FSIP2: variants seen among roughly 807,000 people sequenced by gnomAD.
FSIP2 encodes the protein fibrous sheath interacting protein 2.
In FSIP2, 367 loss-of-function variants were observed where a neutral mutation model predicts 510.5. The observed-to-expected ratio is 0.72, with a 90% CI of 0.66 to 0.78. The LOEUF (loss-of-function observed/expected upper bound fraction) is 0.78, where lower values mean the gene tolerates loss of function less well. Among genes scored for constraint, FSIP2 ranks in the 30% least tolerant of loss-of-function variants. The probability of loss-of-function intolerance (pLI) is 0.00; values close to 1 mark genes in which losing one functional copy is unlikely to be tolerated. For synonymous variants in FSIP2, 2,601 were observed against 2,732.2 expected, an observed-to-expected ratio of 0.95 and a Z score of 1.50; for missense variants, 7,594 against 7,901.7, an observed-to-expected ratio of 0.96 and a Z score of 1.48.
Position 185,806,056 on chromosome 2 carries a change from A to C in FSIP2, c.16750A>C (p.Thr5584Pro). 1 of 1,550,654 alleles carries C rather than the reference A, an allele frequency of 6.4e-7. No individual in the cohort carries two copies. The highest frequency in any genetic ancestry group is 8.8e-7 in the Non-Finnish European group (1 of 1,141,646). ...DKKGKDDEIY[T>P]HFSLIIDDTE... Reference sequence around the variant, plus strand: ...AAAAGGGAAAGATGATGAGATATACACACATTTTTCATTAATAATTGATGA... The same window carrying C: ...AAAAGGGAAAGATGATGAGATATACCCACATTTTTCATTAATAATTGATGA... Residue 5584 changes from threonine (T) to proline (P), a missense_variant, in exon 17 of 23, where the codon ACA becomes CCA. Transcript: ENST00000424728.
Position 185,789,368 on chromosome 2 carries a change from C to T in FSIP2, c.2232C>T (p.Ile744=). ...FVEQCEREKE[I]LLSNAHIPSV... ...AACAATGTGAACGTGAAAAAGAAAT[C>T]TTGCTTTCCAATGCTCATATTCCCT... Residue 744 remains isoleucine (I), a synonymous_variant, in exon 16 of 23, where the codon ATC becomes ATT. Transcript: ENST00000424728. 1 of 1,534,980 alleles carries T rather than the reference C, an allele frequency of 6.5e-7. No individual in the cohort carries two copies. Among genetic ancestry groups the T allele is most frequent in the Non-Finnish European group, 8.7e-7 (1 of 1,145,944 alleles).
chr2:185,788,572 C>A (rs1211394185), intron 15 of FSIP2, 71 bp from the exon 16 acceptor site: 4 of 1,051,948 alleles, frequency 3.8e-6, no homozygotes, highest in African/African-American at 3.2e-5. Context: ...TTAAATGTTA[C>A]CTTCTGTCTC....
chr2:185,747,903 CAAT>C (rs900094457), intron 7 of FSIP2, among the ~76,000 whole-genome samples: 7 of 152,004 alleles, frequency 4.6e-5, no homozygotes, highest in Middle Eastern at 3.4e-3. Context: ...ACAATGTTTC[CAAT>C]AATATTTATT....
chr2:185,775,831 T>A (rs577017741), intron 13 of FSIP2, among the ~76,000 whole-genome samples: 1 of 152,200 alleles, frequency 6.6e-6, no homozygotes, highest in East Asian at 1.9e-4. Context: ...ACTCAGCTAA[T>A]TTTTGTATTT....
In FSIP2 at chr2:185,803,925, T is replaced by C. The variant is rs547487810; in HGVS notation, c.14619T>C (p.His4873=). ...ATTCCATTTATGCTGATCTTTCTCA[T>C]TCAAATATATACCAGTCCATTACAA... ...MVDSIYADLS[H]SNIYQSITKD... Residue 4873 remains histidine, a synonymous_variant, in exon 17 of 23, where the codon CAT becomes CAC. Transcript: ENST00000424728. The C allele has an allele frequency of 1.3e-5, 20 of 1,522,302 alleles. No homozygotes were observed. Among genetic ancestry groups the C allele is most frequent in the East Asian group, 4.9e-5 (2 of 40,702 alleles). The allele number at this position is 1,522,302 out of a possible 1,614,324, so 94.3% of individuals were successfully genotyped here.
chr2:185,822,548 A>T lies in FSIP2; in HGVS notation c.20427-1886A>T, dbSNP rs559677287. 5.9e-5 allele frequency among the ~76,000 whole-genome samples: 9 copies of T among 152,068 alleles called. No individual in the cohort carries two copies. The South Asian group carries it at 1.9e-3, about 32-fold the overall frequency. On this transcript the variant is annotated intron_variant, in intron 19 of 22. Transcript: ENST00000424728. ...TTTGTCAGCTACAAAATATTGCTGTAAGAAATTAAAGAGAATGCAAAAAAG... is the reference window on the plus strand; with the variant it reads ...TTTGTCAGCTACAAAATATTGCTGTTAGAAATTAAAGAGAATGCAAAAAAG...
rs1196411501 is a variant in FSIP2 at position 185,806,780 on chromosome 2, A to G, written c.17474A>G (p.Tyr5825Cys). 4 of 1,611,844 alleles carry G rather than the reference A, an allele frequency of 2.5e-6. No individual in the cohort carries two copies. In the African/African-American group the frequency reaches 5.3e-5, roughly 22 times the overall value. Reference sequence around the variant, plus strand: ...GATAAGCAAAATCAAGCCAAACTCTATGACACTGCTATGAAACTCATCAAT... The same window carrying G: ...GATAAGCAAAATCAAGCCAAACTCTGTGACACTGCTATGAAACTCATCAAT... ...VSDKQNQAKL[Y>C]DTAMKLINSL... The change falls in exon 17 of 23, where the codon TAT (tyrosine) becomes TGT (cysteine). Residue 5825 changes from tyrosine to cysteine, a missense_variant. Transcript: ENST00000424728.
rs372177384 is a variant in FSIP2, at chr2:185,738,820, G to A, written c.-75G>A. Reference sequence around the variant, plus strand: ...GCTCTGGCCATTCCTGGTCAGGTCCGGACAGAGGGACAACGGGGTGCTAGA... The same window carrying A: ...GCTCTGGCCATTCCTGGTCAGGTCCAGACAGAGGGACAACGGGGTGCTAGA... On this transcript the variant is annotated 5_prime_UTR_variant, in exon 1 of 23. Transcript: ENST00000424728. The A allele has an allele frequency of 2.0e-6, 3 of 1,535,990 alleles. No individual in the cohort carries two copies. The highest frequency in any genetic ancestry group is 2.4e-5 in the East Asian group (1 of 40,896).
Position 185,800,825 on chromosome 2 carries a change from T to G in FSIP2, c.11519T>G (p.Leu3840Arg), listed in dbSNP as rs1693415494. ...DQDLLTSDSM[L>R]TIISHSLVKS... ...GACTTATTGACATCAGACTCTATGCTTACTATTATTTCCCACAGCTTGGTT... is the reference window on the plus strand; with the variant it reads ...GACTTATTGACATCAGACTCTATGCGTACTATTATTTCCCACAGCTTGGTT... Residue 3840 changes from leucine to arginine, a missense_variant, in exon 17 of 23, where the codon CTT becomes CGT. Transcript: ENST00000424728. 6.5e-7 allele frequency: 1 copy of G among 1,534,306 alleles called. No homozygotes were observed. The highest frequency in any genetic ancestry group is 1.4e-5 in the African/African-American group (1 of 72,886).
intron 13 of FSIP2, among the ~76,000 whole-genome samples, chr2:185,775,424 G>T (rs1446244129): frequency 1.3e-5 from 2 of 151,034 alleles, no homozygotes; most frequent in African/African-American, 4.9e-5. Context: ...CTTTTTGATG[G>T]GGTTGTTTTT....
intron 13 of FSIP2, among the ~76,000 whole-genome samples, chr2:185,778,082 T>A (rs970693008): frequency 9.2e-5 from 14 of 152,166 alleles, no homozygotes; most frequent in East Asian, 5.8e-4. Context: ...CTGCTTTTTT[T>A]ATAAATGTAT....
chr2:185,803,504 T>C lies in FSIP2; in HGVS notation c.14198T>C (p.Ile4733Thr). Reference protein sequence around the residue: ...TKTLAARITNIILAEIFDFQI... With the variant: ...TKTLAARITNTILAEIFDFQI... Reference sequence around the variant, plus strand: ...ACATTGGCTGCAAGAATAACTAATATCATCCTGGCTGAAATTTTTGATTTC... The same window carrying C: ...ACATTGGCTGCAAGAATAACTAATACCATCCTGGCTGAAATTTTTGATTTC... Residue 4733 changes from isoleucine to threonine, a missense_variant, in exon 17 of 23, where the codon ATC becomes ACC. By Grantham distance (89) the Ile-to-Thr change is moderately conservative (BLOSUM62 -1). Transcript: ENST00000424728. 6.5e-7 allele frequency: 1 copy of C among 1,532,116 alleles called. No homozygotes were observed. The highest frequency in any genetic ancestry group is 8.7e-7 in the Non-Finnish European group (1 of 1,144,650). 94.9% of individuals were successfully genotyped at this position (1,532,116 alleles called of 1,614,324 possible).
Position 185,794,308 on chromosome 2 carries a change from A to C in FSIP2, c.7172A>C (p.Glu2391Ala). The C allele has an allele frequency of 6.6e-7, 1 of 1,523,948 alleles. No homozygotes were observed. Among genetic ancestry groups the C allele is most frequent in the Non-Finnish European group, 8.8e-7 (1 of 1,140,598 alleles). 94.4% of individuals were successfully genotyped at this position (1,523,948 alleles called of 1,614,324 possible). ...TTCCAAGAAAACATCATTGTGAGTG[A>C]AATTGTTGACAGTATGTTAAAGATG... ...ILFQENIIVS[E>A]IVDSMLKMLD... The change falls in exon 16 of 23, where the codon GAA becomes GCA. Residue 2391 changes from glutamate to alanine, a missense_variant. Glu to Ala is a moderately radical substitution (Grantham distance 107, BLOSUM62 -1). Coordinates refer to ENST00000424728, the MANE Select transcript of FSIP2 (RefSeq NM_173651.4).
At chr2:185,828,133 T>C in intron 20 of FSIP2, 23 bp from the exon 21 acceptor site, 2 of 375,084 alleles carry the variant, frequency 5.3e-6, no homozygotes, top group Non-Finnish European at 8.3e-6. Context: ...ACTATTTTAC[T>C]TTTTTTTTTT....
At chr2:185,820,041 G>A (rs548640240) in intron 19 of FSIP2, among the ~76,000 whole-genome samples, 1 of 151,780 alleles carries the variant, frequency 6.6e-6, no homozygotes, top group African/African-American at 2.4e-5. Flanking sequence ...AAACAAAATT[G>A]GGAAATAGAG....
Position 185,796,507 on chromosome 2 carries a change from C to T in FSIP2, c.9371C>T (p.Thr3124Ile). 3 of 1,534,886 alleles carry T rather than the reference C, an allele frequency of 2.0e-6. No individual in the cohort carries two copies. The highest frequency in any genetic ancestry group is 2.6e-6 in the Non-Finnish European group (3 of 1,146,090). Residue 3124 changes from threonine to isoleucine, a missense_variant, in exon 16 of 23, where the codon ACA (threonine) becomes ATA (isoleucine). Coordinates refer to ENST00000424728, the MANE Select transcript of FSIP2 (RefSeq NM_173651.4). ...ENIVASEIIG[T>I]LMDQCTYFNE... ...ATTGTAGCAAGTGAGATCATTGGCA[C>T]ACTAATGGACCAGTGTACTTATTTC...
intron 7 of FSIP2, among the ~76,000 whole-genome samples, chr2:185,749,866 C>T (rs1034237492): frequency 1.3e-5 from 2 of 151,674 alleles, no homozygotes; most frequent in African/African-American, 4.8e-5. Context: ...ACATTTCTAT[C>T]AGAAATGGAT....
chr2:185,785,569 A>ATATT (rs35100038), intron 14 of FSIP2, among the ~76,000 whole-genome samples: 47,646 of 151,552 alleles, frequency 0.31, 7,769 homozygotes, highest in Middle Eastern at 0.41. Context: ...TTAGATTTTA[A>ATATT]TATTTATTTT....
rs767621804 is a variant in FSIP2 at position 185,794,701 on chromosome 2, C to T, written c.7565C>T (p.Thr2522Ile). The T allele has an allele frequency of 2.9e-5, 44 of 1,533,606 alleles. No individual in the cohort carries two copies. The highest frequency in any genetic ancestry group is 1.3e-5 in the Non-Finnish European group (15 of 1,145,358). 95.0% of individuals were successfully genotyped at this position (1,533,606 alleles called of 1,614,324 possible). The part of the protein sequence containing the change: ...ANFISNSKIK[T>I]SDTTQKNSFQ... Reference sequence around the variant, plus strand: ...TTTATATCTAATTCTAAGATTAAAACATCAGACACAACACAGAAAAACAGT... The same window carrying T: ...TTTATATCTAATTCTAAGATTAAAATATCAGACACAACACAGAAAAACAGT... Residue 2522 changes from threonine to isoleucine, a missense_variant, in exon 16 of 23, where the codon ACA (threonine) becomes ATA (isoleucine). Thr to Ile is a moderately conservative substitution (Grantham distance 89). Transcript: ENST00000424728.
Sources: gnomAD v4.1 joint callset for allele counts (sites outside exome capture counted in the v4.1 genomes callset) on GRCh38, gnomAD v4.1.1 for gene constraint, MANE v1.5 for transcripts, NCBI Gene and HGNC (gene_info 2026-07-23, HGNC 2026-07-21) for gene names.